Variants in VPS53 observed in about 807,000 individuals in gnomAD.
VPS53 encodes VPS53 subunit of GARP complex.
Under a neutral mutation model 107.0 loss-of-function variants are expected in VPS53, and 70 were observed. The ratio of observed to expected loss-of-function variants is 0.65; its 90% confidence interval spans 0.54 to 0.80. The LOEUF is 0.80. Ranked by LOEUF, VPS53 falls within the 30% of genes least tolerant of loss-of-function variation. VPS53 has a pLI of 0.00. For synonymous variants in VPS53, 409 were observed against 393.3 expected (o/e 1.04, Z -0.47); for missense variants, 917 against 1,049.4 (o/e 0.87, Z 1.74).
chr17:697,353 T>C (rs1175266940), intron 4 of VPS53, 65 bp downstream of exon 4: 1 of 1,353,918 alleles, frequency 7.4e-7, no homozygotes, highest in African/African-American at 1.4e-5. Context: ...CATCGACGTT[T>C]TGGTCATCTG....
At position 532,906 on chromosome 17, in the gene VPS53, A is replaced by C. The variant is rs776536590; in HGVS notation, c.2021T>G (p.Phe674Cys). Residue 674 changes from phenylalanine to cysteine, a missense_variant, in exon 19 of 22, where the codon TTC (phenylalanine) becomes TGC (cysteine). Transcript: ENST00000437048. ...TQFCVKFANS[F>C]IPKFITHLFK... ...GAGGTGGGTGATGAATTTGGGAATGAAGGAGCTGTGGATAAAAAAGAAGTG... is the reference window on the plus strand; with the variant it reads ...GAGGTGGGTGATGAATTTGGGAATGCAGGAGCTGTGGATAAAAAAGAAGTG... 1.2e-6 allele frequency: 2 copies of C among 1,613,732 alleles called. No individual in the cohort carries two copies. The highest frequency in any genetic ancestry group is 1.7e-6 in the Non-Finnish European group (2 of 1,179,820).
At chr17:638,066 T>C (rs1970268992) in intron 7 of VPS53, among the ~76,000 whole-genome samples, 1 of 152,218 alleles carries the variant, frequency 6.6e-6, no homozygotes. Flanking sequence ...TCTTTGTAGT[T>C]TCTAAGGACT....
rs1272315264 is a variant in VPS53 at position 517,277 on chromosome 17, G to A, written c.*1851C>T. 1.3e-5 allele frequency: 5 copies of A among 393,460 alleles called. No individual in the cohort carries two copies. Among genetic ancestry groups the A allele is most frequent in the East Asian group, 3.6e-5 (1 of 27,788 alleles). 24.4% of individuals were successfully genotyped at this position (393,460 alleles called of 1,614,324 possible). A position where few individuals can be genotyped will look rare whatever the true frequency, so the allele number is the denominator to read the frequency against. ...TCCTCCGCATTCTCAAATTTGAGAC[G>A]CTTGATGCGTGAGAGTCAAACCAGC... On this transcript the variant is annotated 3_prime_UTR_variant, in exon 22 of 22. Transcript: ENST00000437048.
At chr17:686,102 T>A (rs79656303) in intron 4 of VPS53, among the ~76,000 whole-genome samples, 2,354 of 151,998 alleles carry the variant, frequency 0.015, 70 homozygotes, top group African/African-American at 0.053. Context: ...GAGGATCACC[T>A]GAAGCCAGGA....
At chr17:580,413 C>G (rs955796003) in intron 13 of VPS53, among the ~76,000 whole-genome samples, 1 of 150,250 alleles carries the variant, frequency 6.7e-6, no homozygotes, top group African/African-American at 2.5e-5. Context: ...CCCAGAGATC[C>G]TCCCTCAGGA....
chr17:546,761 A>T (rs999577105), intron 17 of VPS53, among the ~76,000 whole-genome samples: 3 of 152,198 alleles, frequency 2.0e-5, no homozygotes, highest in Non-Finnish European at 4.4e-5. Context: ...TGCTGTGGAA[A>T]GGTACAACGG....
rs1969964331 is a variant in VPS53, at chr17:631,616, T to C, written c.621A>G (p.Ala207=). 6.2e-7 allele frequency: 1 copy of C among 1,613,930 alleles called. No homozygotes were observed. The highest frequency in any genetic ancestry group is 1.1e-5 in the South Asian group (1 of 91,078). Residue 207 remains alanine (A), a synonymous_variant, in exon 8 of 22, where the codon GCA becomes GCG. Transcript: ENST00000437048. The part of the protein sequence containing the change: ...IRQLSERVKA[A]QTELGQQILA... Reference sequence around the variant, plus strand: ...GGATTTGCTGTCCTAACTCAGTCTGTGCAGCCTTCACTCTGTGAGGAAGAG... The same window carrying C: ...GGATTTGCTGTCCTAACTCAGTCTGCGCAGCCTTCACTCTGTGAGGAAGAG...
chr17:662,104 T>G (rs1214375968), intron 4 of VPS53, among the ~76,000 whole-genome samples: 1 of 152,156 alleles, frequency 6.6e-6, no homozygotes, highest in Non-Finnish European at 1.5e-5. Context: ...TTACCAATGT[T>G]CCTCACAAAG....
chr17:626,168 C>G (rs951352425), intron 10 of VPS53, among the ~76,000 whole-genome samples: 1 of 151,088 alleles, frequency 6.6e-6, no homozygotes, highest in Non-Finnish European at 1.5e-5. Flanking sequence ...ATGATCACAC[C>G]ACTGCACTCC....
intron 7 of VPS53, 72 bp from the exon 8 acceptor site, chr17:631,700 C>T (rs1477252577): frequency 2.8e-6 from 4 of 1,448,430 alleles, no homozygotes; most frequent in Admixed American, 1.8e-5. Flanking sequence ...TCCACAGGGT[C>T]GGAAGGGCTG....
rs1204452107 is a variant in VPS53 at position 512,724 on chromosome 17, AAG to A, written c.*6402_*6403del. 6.6e-6 allele frequency: 1 copy of A among 152,220 alleles called. No homozygotes were observed. The highest frequency in any genetic ancestry group is 1.9e-4 in the East Asian group (1 of 5,200). The allele number at this position is 152,220 out of a possible 1,614,324, so 9.4% of individuals were successfully genotyped here. ...TGTTGAAAGGACACAGGACTTCCCG[AAG>A]AGTTTTCATGGCAAAAACGTCCAAC... On this transcript the variant is annotated 3_prime_UTR_variant, in exon 22 of 22. Transcript: ENST00000437048.
At chr17:599,347 G>C (rs1968203900) in intron 12 of VPS53, among the ~76,000 whole-genome samples, 1 of 152,204 alleles carries the variant, frequency 6.6e-6, no homozygotes, top group African/African-American at 2.4e-5. Flanking sequence ...AAATCGGATG[G>C]TTGCCGTGTC....
intron 19 of VPS53, among the ~76,000 whole-genome samples, chr17:525,407 G>T (rs1435658823): frequency 6.6e-6 from 1 of 152,120 alleles, no homozygotes; most frequent in Non-Finnish European, 1.5e-5. Context: ...ATCTAAAGCA[G>T]GCAGGGTGTG....
chr17:612,044 TG>T, intron 11 of VPS53, among the ~76,000 whole-genome samples: 1 of 144,026 alleles, frequency 6.9e-6, no homozygotes, highest in East Asian at 2.1e-4. Context: ...ATATTCACAG[TG>T]AGTTCACACA....
intron 2 of VPS53, among the ~76,000 whole-genome samples, chr17:709,539 A>T (rs1973557941): frequency 6.6e-6 from 1 of 152,108 alleles, no homozygotes; most frequent in Non-Finnish European, 1.5e-5. Context: ...GCACTGTCCC[A>T]CTGTCACTGA....
At position 518,940 on chromosome 17, in the gene VPS53, T is replaced by C. The variant is rs897240720; in HGVS notation, c.*188A>G. ...AATCGCCCTCTTAGAGCCCAGCCCT[T>C]ACTCAGCGTCTCCGATTAGGGCAGG... On this transcript the variant is annotated 3_prime_UTR_variant, in exon 22 of 22. Transcript: ENST00000437048. The C allele has an allele frequency of 1.5e-5, 9 of 600,980 alleles. No homozygotes were observed. The highest frequency in any genetic ancestry group is 2.4e-5 in the Non-Finnish European group (9 of 372,100). 37.2% of individuals were successfully genotyped at this position (600,980 alleles called of 1,614,324 possible).
At chr17:559,983 C>T (rs1395264860) in intron 15 of VPS53, among the ~76,000 whole-genome samples, 2 of 152,210 alleles carry the variant, frequency 1.3e-5, no homozygotes, top group East Asian at 3.9e-4. Context: ...TTGAAAATGC[C>T]ATGTAAATTT....
chr17:685,016 A>C (rs1972535136), intron 4 of VPS53: 1 of 152,162 alleles, frequency 6.6e-6, no homozygotes, highest in Non-Finnish European at 1.5e-5. Context: ...AAGACTAATA[A>C]AGGAAAACAG....
chr17:618,400 A>G (rs9906757), intron 11 of VPS53, among the ~76,000 whole-genome samples: 1,497 of 34,030 alleles, frequency 0.044, 40 homozygotes, highest in South Asian at 0.085. Context: ...ACAGGCGTGC[A>G]CCACCACGCC....
Sources: allele counts gnomAD v4.1 joint callset (sites outside exome capture counted in the v4.1 genomes callset), GRCh38; gene constraint gnomAD v4.1.1; transcripts MANE v1.5; gene names NCBI Gene and HGNC (gene_info 2026-07-23, HGNC 2026-07-21).